The following INPP5A variants were observed in gnomAD, a reference collection of about 807,000 sequenced individuals.
INPP5A encodes the protein inositol polyphosphate-5-phosphatase A.
In INPP5A, 14 loss-of-function variants were observed where a neutral mutation model predicts 65.2. The observed-to-expected ratio is 0.21, with a 90% CI of 0.14 to 0.34. The LOEUF (loss-of-function observed/expected upper bound fraction) is 0.34. Ranked by LOEUF, INPP5A falls within the 10% of genes least tolerant of loss-of-function variation. The pLI, the probability that INPP5A is intolerant of heterozygous loss-of-function variation, is 1.00. For missense variants in INPP5A, 431 were observed against 545.6 expected, an observed-to-expected ratio of 0.79 and a Z score of 2.09; for synonymous variants, 207 against 208.3, an observed-to-expected ratio of 0.99 and a Z score of 0.05.
chr10:132,623,200 T>C (rs2072130479), intron 2 of INPP5A, among the ~76,000 whole-genome samples: 1 of 152,200 alleles, frequency 6.6e-6, no homozygotes, highest in African/African-American at 2.4e-5. Context: ...AGTTAAAAAG[T>C]AAAAACATAC....
chr10:132,747,087 G>A (rs1307802216), intron 9 of INPP5A, among the ~76,000 whole-genome samples: 1 of 152,246 alleles, frequency 6.6e-6, no homozygotes, highest in African/African-American at 2.4e-5. Flanking sequence ...TTGGGAGACA[G>A]AGCCGTGAAT....
chr10:132,702,593 C>A (rs1845454098), intron 6 of INPP5A, among the ~76,000 whole-genome samples: 1 of 152,244 alleles, frequency 6.6e-6, no homozygotes, highest in Non-Finnish European at 1.5e-5. Context: ...GGGGTCTCTG[C>A]TGTACCTGTC....
intron 9 of INPP5A, 73 bp from the exon 10 acceptor site, chr10:132,749,444 C>G: frequency 7.4e-7 from 1 of 1,350,438 alleles, no homozygotes; most frequent in Non-Finnish European, 1.0e-6. Flanking sequence ...CCCACTGACT[C>G]GGGGTGTCGG....
At chr10:132,584,878 A>G (rs2071528571) in intron 1 of INPP5A, among the ~76,000 whole-genome samples, 2 of 152,180 alleles carry the variant, frequency 1.3e-5, no homozygotes, top group South Asian at 4.1e-4. Context: ...GACTATAGGC[A>G]CAAGCCTGGT....
intron 5 of INPP5A, among the ~76,000 whole-genome samples, chr10:132,693,101 C>T (rs549264001): frequency 2.6e-5 from 4 of 152,230 alleles, no homozygotes; most frequent in Non-Finnish European, 5.9e-5. Flanking sequence ...TAAAAGTGGA[C>T]ATGGATTAGT....
intron 1 of INPP5A, among the ~76,000 whole-genome samples, chr10:132,576,640 T>C (rs1396701159): frequency 6.6e-6 from 1 of 152,250 alleles, no homozygotes; most frequent in Non-Finnish European, 1.5e-5. Context: ...AACGAGAGTG[T>C]TCTAAATGAT....
At chr10:132,606,529 G>A (rs1023044937) in intron 1 of INPP5A, among the ~76,000 whole-genome samples, 1 of 152,240 alleles carries the variant, frequency 6.6e-6, no homozygotes, top group Non-Finnish European at 1.5e-5. Flanking sequence ...GGTGTTCTCG[G>A]CTCGGTCCTG....
rs566398664 is a variant in INPP5A at position 132,547,757 on chromosome 10, C to T, written c.75+9586C>T. On this transcript the variant is annotated intron_variant, in intron 1 of 15. Transcript: ENST00000368594. The surrounding 1 kb of genome is among the most constrained non-coding windows in gnomAD (Gnocchi z 5.5). ...TCCTTCACGGGACAGCCCGCGTGCC[C>T]CCAGCCCTGTGACGCGCTCTTGGTG... Among the ~76,000 whole-genome samples, 3 of 152,286 alleles carry T rather than the reference C, an allele frequency of 2.0e-5. No individual in the cohort carries two copies. Among genetic ancestry groups the T allele is most frequent in the African/African-American group, 7.2e-5 (3 of 41,556 alleles).
At chr10:132,739,749 C>T (rs1255281918) in intron 9 of INPP5A, among the ~76,000 whole-genome samples, 1 of 152,228 alleles carries the variant, frequency 6.6e-6, no homozygotes, top group Non-Finnish European at 1.5e-5. Flanking sequence ...TGTGCTGTTT[C>T]CATCAAAGAT....
chr10:132,588,862 G>T (rs1342448089), intron 1 of INPP5A, among the ~76,000 whole-genome samples: 1 of 151,152 alleles, frequency 6.6e-6, no homozygotes, highest in African/African-American at 2.4e-5. Context: ...GTGGTCCCGC[G>T]TTCTGTGTGT....
Position 132,627,617 on chromosome 10 carries a change from G to A in INPP5A, c.118-18251G>A, listed in dbSNP as rs951357955. Among the ~76,000 whole-genome samples the A allele has an allele frequency of 1.2e-4, 19 of 152,190 alleles. No homozygotes were observed. Among genetic ancestry groups the A allele is most frequent in the African/African-American group, 4.3e-4 (18 of 41,452 alleles). On this transcript the variant is annotated intron_variant, in intron 2 of 15. Transcript: ENST00000368594. This position sits in a 1 kb window ranked among gnomAD's most constrained non-coding sequence, Gnocchi z 6.6. ...TGAAATGAACGAGGGAGTGAGAGCC[G>A]AAAAAGACACCTTCCAGGAATCGTG...
intron 4 of INPP5A, among the ~76,000 whole-genome samples, chr10:132,657,397 G>T (rs1366043478): frequency 6.6e-6 from 1 of 152,250 alleles, no homozygotes; most frequent in Non-Finnish European, 1.5e-5. Flanking sequence ...GCAGAGCAGG[G>T]TCTGCCTCCC....
At chr10:132,752,094 T>TGTCGGGGTGGAGGCGGGTGCCCAGGAGGC (rs1564999607) in intron 11 of INPP5A, among the ~76,000 whole-genome samples, 19 of 91,868 alleles carry the variant, frequency 2.1e-4, no homozygotes, top group African/African-American at 6.7e-4. Flanking sequence ...GCCCAGGAGG[T>TGTCGGGGTGGAGGCGGGTGCCCAGGAGGC]GTCTGGGTGG....
In INPP5A at chr10:132,678,913, C is replaced by A. The variant is rs535932580; in HGVS notation, c.307-11479C>A. Among the ~76,000 whole-genome samples, 8 of 152,120 alleles carry A rather than the reference C, an allele frequency of 5.3e-5. No homozygotes were observed. The highest frequency in any genetic ancestry group is 1.9e-4 in the African/African-American group (8 of 41,416). ...TGGAAAAGGGGAGGCAGCAGAGGTA[C>A]CCTCCTGACAGAAGGGCGCAGCCTC... On this transcript the variant is annotated intron_variant, in intron 4 of 15. Coordinates refer to ENST00000368594, the MANE Select transcript of INPP5A (RefSeq NM_005539.5). The surrounding 1 kb of genome is among the most constrained non-coding windows in gnomAD (Gnocchi z 4.1).
chr10:132,654,272 T>C (rs2072620556), intron 4 of INPP5A, among the ~76,000 whole-genome samples: 1 of 152,166 alleles, frequency 6.6e-6, no homozygotes, highest in South Asian at 2.1e-4. Flanking sequence ...ACGGACCTGA[T>C]CTCTCCCACA....
rs888109340 is a variant in INPP5A at position 132,698,930 on chromosome 10, A to G, written c.474+1011A>G. ...AGTGAGGGACTGTGGCCGCCCGTGAAGGATGGGGTGCTCCTGTCACCCTGT... is the reference window on the plus strand; with the variant it reads ...AGTGAGGGACTGTGGCCGCCCGTGAGGGATGGGGTGCTCCTGTCACCCTGT... On this transcript the variant is annotated intron_variant, in intron 6 of 15. Transcript: ENST00000368594. The surrounding 1 kb of genome is among the most constrained non-coding windows in gnomAD (Gnocchi z 5.5). Among the ~76,000 whole-genome samples, 1 of 152,206 alleles carries G rather than the reference A, an allele frequency of 6.6e-6. No homozygotes were observed. The highest frequency in any genetic ancestry group is 1.5e-5 in the Non-Finnish European group (1 of 68,020).
At chr10:132,569,802 C>G (rs1447256670) in intron 1 of INPP5A, among the ~76,000 whole-genome samples, 1 of 147,926 alleles carries the variant, frequency 6.8e-6, no homozygotes. Context: ...CCGCACTGGG[C>G]CCCCACTGTT....
intron 4 of INPP5A, among the ~76,000 whole-genome samples, chr10:132,671,441 G>T (rs1250358954): frequency 6.6e-6 from 1 of 151,744 alleles, no homozygotes; most frequent in Non-Finnish European, 1.5e-5. Flanking sequence ...CCCTGCTTCG[G>T]ACTCGGCCCT....
At chr10:132,608,420 C>T (rs899292681) in intron 2 of INPP5A, among the ~76,000 whole-genome samples, 1 of 152,244 alleles carries the variant, frequency 6.6e-6, no homozygotes, top group African/African-American at 2.4e-5. Context: ...GGCCGAGGCA[C>T]GGACCCCCCT....
Sources: gnomAD v4.1 joint callset for allele counts (sites outside exome capture counted in the v4.1 genomes callset) on GRCh38, gnomAD v4.1.1 for gene constraint, Gnocchi (gnomAD v3.1) non-coding constraint, MANE v1.5 for transcripts, NCBI Gene and HGNC (gene_info 2026-07-23, HGNC 2026-07-21) for gene names.